The following THSD7B variants were observed in gnomAD, a reference collection of about 807,000 sequenced individuals.
THSD7B encodes the protein thrombospondin type 1 domain containing 7B, also known as thrombospondin type-1 domain-containing protein 7B.
A neutral mutation model predicts 213.6 loss-of-function variants in THSD7B; 138 were observed. The ratio of observed to expected loss-of-function variants is 0.65; its 90% CI spans 0.56 to 0.74. The LOEUF is 0.74. THSD7B is among the 30% of genes least tolerant of loss of function. The pLI, the probability that THSD7B is intolerant of heterozygous loss-of-function variation, is 0.00. For missense variants in THSD7B, 1,931 were observed against 1,991.5 expected, an observed-to-expected ratio of 0.97 and a Z score of 0.58; for synonymous variants, 742 against 687.0, an observed-to-expected ratio of 1.08 and a Z score of -1.25.
intron 12 of THSD7B, among the ~76,000 whole-genome samples, chr2:137,298,931 C>A (rs1321019537): frequency 6.6e-6 from 1 of 152,166 alleles, no homozygotes. Context: ...TTGGAGTCCC[C>A]ACACAGAGTC....
intron 15 of THSD7B, among the ~76,000 whole-genome samples, chr2:137,483,398 C>A (rs6756838): frequency 0.028 from 4,258 of 152,238 alleles, 217 homozygotes; most frequent in African/African-American, 0.097. Flanking sequence ...TTAGGTAATA[C>A]CTCTTCATAA....
chr2:137,082,727 G>A (rs757568780), intron 3 of THSD7B, among the ~76,000 whole-genome samples: 1 of 152,000 alleles, frequency 6.6e-6, no homozygotes, highest in Non-Finnish European at 1.5e-5. Flanking sequence ...CTAACCGGTT[G>A]TACACACATC....
chr2:137,088,992 T>C (rs6430676), intron 3 of THSD7B, among the ~76,000 whole-genome samples: 29,865 of 152,050 alleles, frequency 0.2, 4,438 homozygotes, highest in African/African-American at 0.41. Flanking sequence ...GTGGATGCAG[T>C]GAACAAGGAA....
At chr2:137,413,370 G>A (rs968215757) in intron 14 of THSD7B, among the ~76,000 whole-genome samples, 7 of 152,186 alleles carry the variant, frequency 4.6e-5, no homozygotes, top group African/African-American at 9.6e-5. Flanking sequence ...TGAGTGTACA[G>A]TTAAGGAGAA....
At chr2:137,268,956 G>A (rs576379639) in intron 10 of THSD7B, among the ~76,000 whole-genome samples, 1 of 152,190 alleles carries the variant, frequency 6.6e-6, no homozygotes, top group South Asian at 2.1e-4. Context: ...ATAATTTGAG[G>A]CATTTACATC....
intron 12 of THSD7B, among the ~76,000 whole-genome samples, chr2:137,324,777 G>C (rs1684331913): frequency 1.3e-5 from 2 of 152,180 alleles, no homozygotes. Context: ...AAACAGGAAA[G>C]GACTGTTTCA....
chr2:137,127,928 G>A (rs1688657742), intron 5 of THSD7B, among the ~76,000 whole-genome samples: 1 of 150,124 alleles, frequency 6.7e-6, no homozygotes, highest in Admixed American at 6.7e-5. Flanking sequence ...AAAACAAAAC[G>A]AAACAAAATA....
Position 136,769,718 on chromosome 2 carries a change from C to T in THSD7B, c.-36+4031C>T, listed in dbSNP as rs115811471. Among the ~76,000 whole-genome samples the T allele has an allele frequency of 5.2e-3, 798 of 152,224 alleles. 5 individuals carry two copies. Among genetic ancestry groups the T allele is most frequent in the African/African-American group, 0.018 (736 of 41,520 alleles). ...TGGATTCTAAAAACACAACTCTTTG[C>T]TGTGATGTGGAAATCAGTAGAATTT... is the stretch of plus-strand genomic sequence containing the variant. On this transcript the variant is annotated intron_variant, in intron 1 of 27. Transcript: ENST00000409968.
intron 15 of THSD7B, among the ~76,000 whole-genome samples, chr2:137,508,665 C>T (rs978441377): frequency 2.6e-5 from 4 of 151,396 alleles, no homozygotes; most frequent in Non-Finnish European, 4.4e-5. Context: ...CTGGGATTAC[C>T]GGCTAAATAA....
intron 3 of THSD7B, among the ~76,000 whole-genome samples, chr2:137,088,467 C>A (rs778776587): frequency 4.6e-5 from 7 of 151,778 alleles, no homozygotes; most frequent in Non-Finnish European, 8.8e-5. Flanking sequence ...TCACCTTATA[C>A]AAAAATCAAC....
At chr2:136,933,837 C>A (rs1684673663) in intron 2 of THSD7B, among the ~76,000 whole-genome samples, 1 of 152,020 alleles carries the variant, frequency 6.6e-6, no homozygotes, top group Non-Finnish European at 1.5e-5. Flanking sequence ...AAATTTTATT[C>A]AGTTCCTAAT....
chr2:136,873,435 A>G (rs1392137375), intron 1 of THSD7B, among the ~76,000 whole-genome samples: 1 of 152,132 alleles, frequency 6.6e-6, no homozygotes, highest in Non-Finnish European at 1.5e-5. Flanking sequence ...CAAGTTACTA[A>G]ACATCATGTC....
chr2:137,160,255 C>G lies in THSD7B; in HGVS notation c.1412C>G (p.Pro471Arg). ...AAGGCATTATGTGTGGGACCCGCCC[C>G]GTTGCCCTCTCAGCTCTGCAATATC... ...VEKALCVGPA[P>R]LPSQLCNIPC... Residue 471 changes from proline to arginine, a missense_variant, in exon 6 of 28, where the codon CCG becomes CGG. By Grantham distance (103) the Pro-to-Arg change is moderately radical. Coordinates refer to ENST00000409968, the MANE Select transcript of THSD7B (RefSeq NM_001316349.2). 6.2e-7 allele frequency: 1 copy of G among 1,613,694 alleles called. No individual in the cohort carries two copies. Among genetic ancestry groups the G allele is most frequent in the Non-Finnish European group, 8.5e-7 (1 of 1,179,692 alleles).
chr2:137,113,757 A>G (rs1281262343), intron 4 of THSD7B, among the ~76,000 whole-genome samples: 2 of 152,108 alleles, frequency 1.3e-5, no homozygotes, highest in Admixed American at 6.6e-5. Context: ...TGTTATTTAT[A>G]TTCACCTAGG....
chr2:137,638,968 A>C (rs889259603), intron 20 of THSD7B, among the ~76,000 whole-genome samples: 21 of 152,184 alleles, frequency 1.4e-4, no homozygotes, highest in African/African-American at 4.6e-4. Context: ...ATAAAAGTTC[A>C]GAAAAATTTG....
At chr2:137,139,296 C>G (rs1237533238) in intron 5 of THSD7B, among the ~76,000 whole-genome samples, 1 of 152,130 alleles carries the variant, frequency 6.6e-6, no homozygotes, top group Non-Finnish European at 1.5e-5. Flanking sequence ...TTAGTCACCT[C>G]CATTCTTTTA....
chr2:137,184,900 C>A (rs980733474), intron 7 of THSD7B, among the ~76,000 whole-genome samples: 1 of 152,126 alleles, frequency 6.6e-6, no homozygotes, highest in Non-Finnish European at 1.5e-5. Context: ...TCTACTCTCC[C>A]AAAATGAAAT....
chr2:136,971,179 A>G (rs1685397963), intron 2 of THSD7B, among the ~76,000 whole-genome samples: 1 of 152,208 alleles, frequency 6.6e-6, no homozygotes, highest in African/African-American at 2.4e-5. Flanking sequence ...TAAATGTGCA[A>G]CAGGCCCAAA....
At chr2:137,404,474 TACAC>T (rs1207612144) in intron 12 of THSD7B, among the ~76,000 whole-genome samples, 937 of 40,110 alleles carry the variant, frequency 0.023, 36 homozygotes, top group African/African-American at 0.058. Flanking sequence ...TATATATATA[TACAC>T]ACACACACAC....
Sources: gnomAD v4.1 joint callset for allele counts (sites outside exome capture counted in the v4.1 genomes callset) on GRCh38, gnomAD v4.1.1 for gene constraint, MANE v1.5 for transcripts, NCBI Gene and HGNC (gene_info 2026-07-23, HGNC 2026-07-21) for gene names.